Variants in C3orf22 observed in about 807,000 individuals in gnomAD.
C3orf22 encodes the protein uncharacterized protein C3orf22.
C3orf22 carries 7 observed loss-of-function variants against 10.8 expected under a neutral mutation model. The observed-to-expected ratio is 0.65, with a 90% CI of 0.37 to 1.22. C3orf22 has a LOEUF of 1.22. Ranked by LOEUF, C3orf22 falls within the 50% of genes most tolerant of loss-of-function variation. C3orf22 has a pLI of 0.02. For synonymous variants in C3orf22, 79 were observed against 78.9 expected (o/e 1.00, Z 0.00); for missense variants, 173 against 177.0 (o/e 0.98, Z 0.13).
At chr3:126,556,833 T>TCA (rs140314320) in intron 1 of C3orf22, among the ~76,000 whole-genome samples, 83,704 of 146,286 alleles carry the variant, frequency 0.57, 25,017 homozygotes, top group South Asian at 0.74. Flanking sequence ...ACATACACAC[T>TCA]CACACACAGA....
At chr3:126,536,221 A>T (rs756352688) in intron 4 of C3orf22, 3 of 1,547,218 alleles carry the variant, frequency 1.9e-6, no homozygotes, top group Non-Finnish European at 2.7e-6. Flanking sequence ...CCCCAGGTCC[A>T]TGCAAGTCCC....
At chr3:126,542,484 T>C in intron 4 of C3orf22, 1 of 1,581,844 alleles carries the variant, frequency 6.3e-7, no homozygotes, top group South Asian at 1.2e-5. Context: ...TTCCGGGACA[T>C]CAGCCCCTTC....
intron 4 of C3orf22, chr3:126,536,287 C>T (rs1936789342): frequency 2.5e-6 from 4 of 1,613,908 alleles, no homozygotes; most frequent in Non-Finnish European, 3.4e-6. Context: ...GAAACAGAGC[C>T]CTGGGCTCCA....
At chr3:126,529,565 G>T (rs1030669945) in intron 4 of C3orf22, among the ~76,000 whole-genome samples, 1 of 152,164 alleles carries the variant, frequency 6.6e-6, no homozygotes, top group Non-Finnish European at 1.5e-5. Context: ...GTGGGATAAA[G>T]ATAGTTTCTA....
At chr3:126,544,782 T>C (rs528929869), downstream of C3orf22, among the ~76,000 whole-genome samples, 32 of 152,304 alleles carry the variant, frequency 2.1e-4, no homozygotes, top group Non-Finnish European at 3.7e-4. Context: ...TCACAGTCCC[T>C]TGTGTGGGCA....
chr3:126,549,496 T>G (rs1446186380), downstream of C3orf22: 1 of 541,104 alleles, frequency 1.8e-6, no homozygotes, highest in South Asian at 1.5e-5. Flanking sequence ...TCCAATCCTT[T>G]GCTGTTTCCA....
intron 1 of C3orf22, among the ~76,000 whole-genome samples, chr3:126,556,926 A>T (rs1419918744): frequency 2.4e-5 from 3 of 125,580 alleles, no homozygotes; most frequent in African/African-American, 1.0e-4. Context: ...ACACACACAG[A>T]CACATACACA....
chr3:126,542,624 C>G, intron 4 of C3orf22: 1 of 1,427,148 alleles, frequency 7.0e-7, no homozygotes, highest in Non-Finnish European at 9.2e-7. Flanking sequence ...GCCTTTCCGA[C>G]AAGACCCCCG....
chr3:126,535,551 A>G lies in C3orf22; in HGVS notation c.287-6179T>C, dbSNP rs9865660. On this transcript the variant is annotated intron_variant and NMD_transcript_variant, in intron 4 of 5. Transcript: ENST00000505070. Reference sequence around the variant, plus strand: ...ACACACAGACAGCATCCCTGTCCTCAGCCGGGAGACAGACAGACAGACAGC... The same window carrying G: ...ACACACAGACAGCATCCCTGTCCTCGGCCGGGAGACAGACAGACAGACAGC... 8.8e-3 allele frequency among the ~76,000 whole-genome samples: 1,229 copies of G among 139,118 alleles called. 183 individuals are homozygous for G. Among genetic ancestry groups the G allele is most frequent in the Middle Eastern group, 0.011 (3 of 268 alleles). The allele number at this position is 139,118 out of a possible 152,430, so 91.3% of individuals were successfully genotyped here.
downstream of C3orf22, among the ~76,000 whole-genome samples, chr3:126,547,130 T>G (rs1340812968): frequency 1.3e-5 from 2 of 152,188 alleles, no homozygotes; most frequent in Non-Finnish European, 2.9e-5. Context: ...TTTCTACCTG[T>G]GGATCTGTGT....
chr3:126,552,620 C>T (rs975916591), intron 2 of C3orf22, among the ~76,000 whole-genome samples: 3 of 152,204 alleles, frequency 2.0e-5, no homozygotes, highest in Non-Finnish European at 2.9e-5. Flanking sequence ...CTCCCTCGAG[C>T]GTGGCTGCCC....
exon 5 of C3orf22, chr3:126,529,237 T>C (rs1451505779): frequency 1.9e-6 from 2 of 1,058,208 alleles, no homozygotes; most frequent in Non-Finnish European, 2.6e-6. Context: ...GGTATCTTGA[T>C]TGGCAGAGGA....
At chr3:126,549,688 G>C, downstream of C3orf22, 1 of 1,526,426 alleles carries the variant, frequency 6.6e-7, no homozygotes, top group Non-Finnish European at 8.8e-7. Flanking sequence ...ATTCCAGCTG[G>C]AAGTGGGGTG....
At chr3:126,554,702 T>C (rs1459101876) in intron 1 of C3orf22, among the ~76,000 whole-genome samples, 1 of 152,168 alleles carries the variant, frequency 6.6e-6, no homozygotes, top group African/African-American at 2.4e-5. Context: ...GTTTTCATGG[T>C]AGCCACCTCA....
chr3:126,528,383 C>T (rs1389476106), intron 5 of C3orf22, among the ~76,000 whole-genome samples: 2 of 152,156 alleles, frequency 1.3e-5, no homozygotes, highest in African/African-American at 4.8e-5. Flanking sequence ...TCAACCTACA[C>T]AGAACTCAAA....
intron 4 of C3orf22, chr3:126,542,590 G>A (rs762028792): frequency 1.8e-5 from 26 of 1,463,106 alleles, no homozygotes; most frequent in Non-Finnish European, 2.3e-5. Context: ...GGTCCTGGAG[G>A]TCCTGTGGCC....
chr3:126,541,822 G>A (rs1412445012), intron 4 of C3orf22: 1 of 1,565,584 alleles, frequency 6.4e-7, no homozygotes, highest in East Asian at 2.4e-5. Context: ...GGCAGCGCCT[G>A]CTACAGCCGG....
chr3:126,546,512 G>A (rs565094075), downstream of C3orf22, among the ~76,000 whole-genome samples: 1 of 152,168 alleles, frequency 6.6e-6, no homozygotes, highest in Non-Finnish European at 1.5e-5. Context: ...CTCCATGGTG[G>A]GATTAGTGTC....
chr3:126,535,031 C>T (rs1392810366), intron 4 of C3orf22, among the ~76,000 whole-genome samples: 1 of 148,946 alleles, frequency 6.7e-6, no homozygotes, highest in Non-Finnish European at 1.5e-5. Context: ...AGCCAGGAGA[C>T]ACACAGCATC....
Sources: gnomAD v4.1 joint callset for allele counts (sites outside exome capture counted in the v4.1 genomes callset) on GRCh38, gnomAD v4.1.1 for gene constraint, MANE v1.5 for transcripts, NCBI Gene and HGNC (gene_info 2026-07-23, HGNC 2026-07-21) for gene names.